Variants in PTPRT observed in about 807,000 individuals in gnomAD.
PTPRT encodes receptor-type tyrosine-protein phosphatase T.
PTPRT carries 56 observed loss-of-function variants against 176.8 expected under a neutral mutation model. That is an observed-to-expected ratio of 0.32 (90% CI 0.26 to 0.40). PTPRT has a LOEUF of 0.40. PTPRT is among the 10% of genes least tolerant of loss of function. The pLI is 1.00. For missense variants in PTPRT, 1,540 were observed against 1,908.2 expected, an observed-to-expected ratio of 0.81 and a Z score of 3.60; for synonymous variants, 783 against 739.0, an observed-to-expected ratio of 1.06 and a Z score of -0.96.
intron 2 of PTPRT, among the ~76,000 whole-genome samples, chr20:42,823,875 AC>A (rs904510894): frequency 6.6e-5 from 10 of 152,104 alleles, no homozygotes; most frequent in African/African-American, 2.4e-4. Flanking sequence ...CCTAAAAAAA[AC>A]ACAAGCATCA....
chr20:42,765,569 A>C (rs2145438337), intron 5 of PTPRT, among the ~76,000 whole-genome samples: 1 of 152,232 alleles, frequency 6.6e-6, no homozygotes, highest in South Asian at 2.1e-4. Flanking sequence ...GAATATTTGG[A>C]TAAAACAGAA....
intron 16 of PTPRT, among the ~76,000 whole-genome samples, chr20:42,175,064 C>T (rs958491527): frequency 1.3e-5 from 2 of 152,148 alleles, no homozygotes; most frequent in African/African-American, 4.8e-5. Context: ...GAAACAACAT[C>T]CTTACAACTC....
At chr20:42,771,379 C>T in intron 5 of PTPRT, 56 bp downstream of exon 5, 1 of 1,472,994 alleles carries the variant, frequency 6.8e-7, no homozygotes, top group Non-Finnish European at 9.5e-7. Context: ...CCTTCCAGTC[C>T]TTCTTTTCCC....
chr20:42,313,872 C>T (rs1416296115), intron 12 of PTPRT, among the ~76,000 whole-genome samples: 1 of 152,152 alleles, frequency 6.6e-6, no homozygotes, highest in Admixed American at 6.5e-5. Flanking sequence ...TTGCTTGAAC[C>T]AGTAATAAAT....
chr20:43,086,486 C>T lies in PTPRT; in HGVS notation c.88+103160G>A, dbSNP rs538997977. ...ATTACTTCAGAAATGACTTTAACAT[C>T]GACAGCCAAAGCAAAACCTTTAACT... On this transcript the variant is annotated intron_variant, in intron 1 of 30. Transcript: ENST00000373187. 1.5e-4 allele frequency among the ~76,000 whole-genome samples: 23 copies of T among 152,318 alleles called. 1 individual carries two copies. The highest frequency in any genetic ancestry group is 1.2e-3 in the South Asian group (6 of 4,830).
chr20:42,524,632 T>C (rs2072236995), intron 7 of PTPRT, among the ~76,000 whole-genome samples: 8 of 152,210 alleles, frequency 5.3e-5, no homozygotes, highest in Admixed American at 5.2e-4. Flanking sequence ...CCGCTTAGGA[T>C]AAACTGGCTT....
intron 7 of PTPRT, among the ~76,000 whole-genome samples, chr20:42,592,470 A>T (rs2073597396): frequency 6.6e-6 from 1 of 152,334 alleles, no homozygotes; most frequent in Admixed American, 6.5e-5. Flanking sequence ...TACTCAGGAT[A>T]CTGGGCCATA....
intron 6 of PTPRT, among the ~76,000 whole-genome samples, chr20:42,730,645 A>G (rs1464875546): frequency 6.6e-6 from 1 of 152,178 alleles, no homozygotes; most frequent in African/African-American, 2.4e-5. Flanking sequence ...AACACTGTGT[A>G]GTTCTGCTGC....
intron 4 of PTPRT, 30 bp from the exon 5 acceptor site, chr20:42,771,580 A>G (rs1600720163): frequency 1.3e-6 from 2 of 1,579,868 alleles, no homozygotes; most frequent in Non-Finnish European, 1.7e-6. Flanking sequence ...ACACAAGAGA[A>G]TGAGATTCGA....
chr20:42,950,631 G>C (rs1662564435), intron 1 of PTPRT, among the ~76,000 whole-genome samples: 1 of 152,146 alleles, frequency 6.6e-6, no homozygotes, highest in South Asian at 2.1e-4. Context: ...TCACTACAGA[G>C]GAGGCACCAC....
At chr20:42,048,619 A>T in the PTPRT span, among the ~76,000 whole-genome samples, 1 of 152,152 alleles carries the variant, frequency 6.6e-6, no homozygotes, top group African/African-American at 2.4e-5. Context: ...AGCCAGCATC[A>T]ACCTACAGAC....
At chr20:42,112,250 C>T (rs905629548) in intron 22 of PTPRT, among the ~76,000 whole-genome samples, 1 of 152,158 alleles carries the variant, frequency 6.6e-6, no homozygotes. Flanking sequence ...CTCAGATCCC[C>T]ATCACTGGGC....
chr20:43,175,239 G>A (rs891066863), intron 1 of PTPRT, among the ~76,000 whole-genome samples: 1 of 152,196 alleles, frequency 6.6e-6, no homozygotes, highest in South Asian at 2.1e-4. Flanking sequence ...TCCCCTCCAC[G>A]GGCCCCATGC....
chr20:42,180,082 A>G (rs1990452702), intron 16 of PTPRT, among the ~76,000 whole-genome samples: 2 of 152,228 alleles, frequency 1.3e-5, no homozygotes, highest in Admixed American at 1.3e-4. Flanking sequence ...TCCTTACCCC[A>G]GAAGGCTAGG....
chr20:42,062,330 AAAG>A, the PTPRT span, among the ~76,000 whole-genome samples: 1 of 152,146 alleles, frequency 6.6e-6, no homozygotes, highest in Non-Finnish European at 1.5e-5. Flanking sequence ...TAAAATCGGA[AAAG>A]AAGGGAGCCT....
intron 1 of PTPRT, among the ~76,000 whole-genome samples, chr20:42,891,067 C>T (rs1379023815): frequency 6.6e-6 from 1 of 152,172 alleles, no homozygotes; most frequent in East Asian, 1.9e-4. Flanking sequence ...TCCACTAAAC[C>T]TGTTTCTTTA....
intron 9 of PTPRT, among the ~76,000 whole-genome samples, chr20:42,417,969 A>G (rs1395513902): frequency 6.6e-6 from 1 of 151,940 alleles, no homozygotes; most frequent in Non-Finnish European, 1.5e-5. Flanking sequence ...ACATTTTTTG[A>G]TCCCCTACAA....
chr20:42,056,698 G>T, the PTPRT span, among the ~76,000 whole-genome samples: 3 of 152,204 alleles, frequency 2.0e-5, no homozygotes, highest in Admixed American at 2.0e-4. Flanking sequence ...AAACGATGAA[G>T]TGTGATAAGA....
intron 6 of PTPRT, among the ~76,000 whole-genome samples, chr20:42,684,281 G>T (rs1049332630): frequency 2.0e-5 from 3 of 151,840 alleles, no homozygotes; most frequent in African/African-American, 7.3e-5. Context: ...GGAGGCAGAG[G>T]TTGCAGTGAG....
Sources: allele counts gnomAD v4.1 joint callset (sites outside exome capture counted in the v4.1 genomes callset), GRCh38; gene constraint gnomAD v4.1.1; transcripts MANE v1.5; gene names NCBI Gene and HGNC (gene_info 2026-07-23, HGNC 2026-07-21).